FTCDNL1: variants seen among roughly 807,000 people sequenced by gnomAD.
FTCDNL1 encodes formiminotransferase N-terminal subdomain-containing protein.
A neutral mutation model predicts 5.9 loss-of-function variants in FTCDNL1; 11 were observed. The ratio of observed to expected loss-of-function variants is 1.87; its 90% CI spans 1.18 to 3.10. The LOEUF (loss-of-function observed/expected upper bound fraction) is 3.10. Ranked by LOEUF, FTCDNL1 falls within the 30% of genes most tolerant of loss-of-function variation. FTCDNL1 has a pLI of 0.00. For missense variants in FTCDNL1, 115 were observed against 65.5 expected (o/e 1.76, Z -2.61); for synonymous variants, 58 against 24.8 (o/e 2.34, Z -3.99).
chr2:199,664,534 C>T, the FTCDNL1 span, among the ~76,000 whole-genome samples: 1 of 152,128 alleles, frequency 6.6e-6, no homozygotes, highest in Non-Finnish European at 1.5e-5. Context: ...AACAGAAAAG[C>T]ATAAAATCCA....
rs563726516 is a variant in FTCDNL1 at position 199,811,807 on chromosome 2, A to T, written c.*898T>A. 6.6e-5 allele frequency among the ~76,000 whole-genome samples: 10 copies of T among 152,324 alleles called. No homozygotes were observed. In the East Asian group the frequency reaches 1.5e-3, roughly 24 times the overall value. ...AGTTGATCATTCTTGCTATAAATGA[A>T]CTCATTGCCTAAGACAAATTATTAA... On this transcript the variant is annotated 3_prime_UTR_variant, in exon 5 of 5. Coordinates refer to ENST00000420128, the MANE Select transcript of FTCDNL1 (RefSeq NM_001363886.2).
the FTCDNL1 span, among the ~76,000 whole-genome samples, chr2:199,694,753 G>A: frequency 6.6e-6 from 1 of 152,172 alleles, no homozygotes; most frequent in Admixed American, 6.5e-5. Flanking sequence ...AGGATTGCTT[G>A]AACCCAGGAG....
intron 2 of FTCDNL1, among the ~76,000 whole-genome samples, chr2:199,848,620 C>T (rs917676312): frequency 6.6e-6 from 1 of 152,216 alleles, no homozygotes; most frequent in African/African-American, 2.4e-5. Flanking sequence ...TTAAGAGCTG[C>T]GCTGCTGAGC....
chr2:199,824,174 T>G (rs1701877341), intron 3 of FTCDNL1, among the ~76,000 whole-genome samples: 1 of 152,230 alleles, frequency 6.6e-6, no homozygotes, highest in Admixed American at 6.5e-5. Context: ...TTGCAGCTTC[T>G]ACATCAGCAC....
intron 4 of FTCDNL1, 105 bp downstream of exon 4, chr2:199,819,467 C>G (rs1701549274): frequency 3.1e-6 from 2 of 636,038 alleles, no homozygotes; most frequent in African/African-American, 3.7e-5. Context: ...CAAGAAGCAG[C>G]CACCCCTATA....
the FTCDNL1 span, among the ~76,000 whole-genome samples, chr2:199,696,100 C>T: frequency 1.3e-5 from 2 of 152,156 alleles, no homozygotes; most frequent in South Asian, 4.1e-4. Context: ...CACAGATAGG[C>T]CCCCCTCAGT....
At chr2:199,767,287 G>C (rs1326634541) in intron 3 of FTCDNL1, among the ~76,000 whole-genome samples, 1 of 152,156 alleles carries the variant, frequency 6.6e-6, no homozygotes, top group Non-Finnish European at 1.5e-5. Context: ...AGAACTCAGG[G>C]CTTAGAAGCC....
intron 3 of FTCDNL1, among the ~76,000 whole-genome samples, chr2:199,820,744 T>C (rs1701631398): frequency 6.6e-6 from 1 of 152,318 alleles, no homozygotes; most frequent in South Asian, 2.1e-4. Flanking sequence ...AGGCAAAATA[T>C]AGAATTGCTG....
At chr2:199,689,496 C>A in the FTCDNL1 span, among the ~76,000 whole-genome samples, 1 of 152,150 alleles carries the variant, frequency 6.6e-6, no homozygotes, top group Non-Finnish European at 1.5e-5. Context: ...TGTTTTTGAT[C>A]TACCACCTTT....
At chr2:199,728,818 T>C in the FTCDNL1 span, among the ~76,000 whole-genome samples, 1 of 152,184 alleles carries the variant, frequency 6.6e-6, no homozygotes, top group Non-Finnish European at 1.5e-5. Context: ...AATCAAAGCC[T>C]ATGAGCTGCA....
At chr2:199,736,638 T>G in the FTCDNL1 span, among the ~76,000 whole-genome samples, 1 of 152,224 alleles carries the variant, frequency 6.6e-6, no homozygotes, top group African/African-American at 2.4e-5. Flanking sequence ...TAGATTCAAT[T>G]AGAGAAGAAG....
the FTCDNL1 span, among the ~76,000 whole-genome samples, chr2:199,667,920 T>A: frequency 6.6e-6 from 1 of 152,168 alleles, no homozygotes; most frequent in South Asian, 2.1e-4. Context: ...AGGTCTTGCA[T>A]CACAAGAGAA....
the FTCDNL1 span, among the ~76,000 whole-genome samples, chr2:199,672,864 GC>G: frequency 6.6e-6 from 1 of 151,944 alleles, no homozygotes; most frequent in South Asian, 2.1e-4. Context: ...TTAGGAGGTT[GC>G]CCCCCACCCT....
In FTCDNL1 at chr2:199,850,998, G is replaced by A. The variant is rs1163288708; in HGVS notation, c.-266C>T. On this transcript the variant is annotated 5_prime_UTR_variant, in exon 1 of 5. Coordinates refer to ENST00000420128, the MANE Select transcript of FTCDNL1 (RefSeq NM_001363886.2). Reference sequence around the variant, plus strand: ...CGCCTGGGAGCGAGGGGCAGCCGGCGGCTGCGCTGCCCCGGCCGAGCTCTC... The same window carrying A: ...CGCCTGGGAGCGAGGGGCAGCCGGCAGCTGCGCTGCCCCGGCCGAGCTCTC... 1 of 151,882 alleles carries A rather than the reference G, an allele frequency of 6.6e-6. No homozygotes were observed. Among genetic ancestry groups the A allele is most frequent in the African/African-American group, 2.4e-5 (1 of 41,428 alleles). The allele number at this position is 151,882 out of a possible 1,614,324, so 9.4% of individuals were successfully genotyped here.
chr2:199,811,541 G>A lies in FTCDNL1; in HGVS notation c.*1164C>T, dbSNP rs1701036683. Reference sequence around the variant, plus strand: ...CTGTAGTGCTTCACCATTACGCTTTGCTGTCCCATAGCTTTGATATGCCCA... The same window carrying A: ...CTGTAGTGCTTCACCATTACGCTTTACTGTCCCATAGCTTTGATATGCCCA... On this transcript the variant is annotated 3_prime_UTR_variant, in exon 5 of 5. Transcript: ENST00000420128. 6.6e-6 allele frequency among the ~76,000 whole-genome samples: 1 copy of A among 152,186 alleles called. No individual in the cohort carries two copies. Among genetic ancestry groups the A allele is most frequent in the South Asian group, 2.1e-4 (1 of 4,832 alleles).
chr2:199,792,482 T>C (rs13026455), intron 3 of FTCDNL1, among the ~76,000 whole-genome samples: 8,533 of 152,116 alleles, frequency 0.056, 303 homozygotes, highest in Middle Eastern at 0.14. Context: ...ACTTAGGGGG[T>C]TGTATATTCT....
At chr2:199,710,455 T>C in the FTCDNL1 span, among the ~76,000 whole-genome samples, 277 of 152,192 alleles carry the variant, frequency 1.8e-3, 1 homozygote, top group African/African-American at 6.5e-3. Context: ...TTGACAAAAA[T>C]ATTTTGACTG....
intron 3 of FTCDNL1, among the ~76,000 whole-genome samples, chr2:199,764,518 T>C (rs1698420006): frequency 6.6e-6 from 1 of 152,196 alleles, no homozygotes; most frequent in South Asian, 2.1e-4. Context: ...CCTTCATTTT[T>C]GTCACATTGG....
intron 3 of FTCDNL1, among the ~76,000 whole-genome samples, chr2:199,780,951 A>G (rs1208247663): frequency 6.6e-6 from 1 of 152,154 alleles, no homozygotes; most frequent in Non-Finnish European, 1.5e-5. Flanking sequence ...TGTCTAACCC[A>G]TACTGCCTAG....
Sources: gnomAD v4.1 joint callset for allele counts (sites outside exome capture counted in the v4.1 genomes callset) on GRCh38, gnomAD v4.1.1 for gene constraint, MANE v1.5 for transcripts, NCBI Gene and HGNC (gene_info 2026-07-23, HGNC 2026-07-21) for gene names.